Variants in XXYLT1 observed in about 807,000 individuals in gnomAD.
The protein encoded by XXYLT1 is UDP-xylose:alpha-xyloside alpha-1,3-xylosyltransferase.
A neutral mutation model predicts 28.9 loss-of-function variants in XXYLT1; 20 were observed. The ratio of observed to expected loss-of-function variants is 0.69; its 90% confidence interval spans 0.49 to 1.00. The LOEUF is 1.00. XXYLT1 is among the 50% of genes least tolerant of loss of function. XXYLT1 has a pLI of 0.00. For synonymous variants in XXYLT1, 257 were observed against 253.8 expected (o/e 1.01, Z -0.12); for missense variants, 542 against 560.1 (o/e 0.97, Z 0.33).
chr3:195,098,477 C>T (rs1716580524), intron 3 of XXYLT1, among the ~76,000 whole-genome samples: 1 of 152,194 alleles, frequency 6.6e-6, no homozygotes, highest in African/African-American at 2.4e-5. Flanking sequence ...GGCGTGAACC[C>T]GGGAGGCGGA....
chr3:195,160,086 A>G (rs1577093504), intron 2 of XXYLT1, among the ~76,000 whole-genome samples: 1 of 108,302 alleles, frequency 9.2e-6, no homozygotes, highest in Non-Finnish European at 2.0e-5. Flanking sequence ...CAAGAAAAGG[A>G]AAAAAAAATC....
intron 2 of XXYLT1, among the ~76,000 whole-genome samples, chr3:195,170,482 C>T (rs892354560): frequency 2.6e-5 from 4 of 152,240 alleles, no homozygotes; most frequent in African/African-American, 9.6e-5. Flanking sequence ...TGCAACCTTC[C>T]TGCTTCACCA....
chr3:195,074,813 G>A (rs887051319), intron 3 of XXYLT1, among the ~76,000 whole-genome samples: 4 of 152,196 alleles, frequency 2.6e-5, no homozygotes, highest in African/African-American at 7.2e-5. Flanking sequence ...ACATCCTGGA[G>A]TTGTAGGACC....
At chr3:195,244,173 G>C (rs937040224) in intron 1 of XXYLT1, among the ~76,000 whole-genome samples, 3 of 152,170 alleles carry the variant, frequency 2.0e-5, no homozygotes, top group African/African-American at 7.2e-5. Flanking sequence ...CCCTATTCCA[G>C]TCATCCAAAA....
In XXYLT1 at chr3:195,080,814, G is replaced by T. The variant is rs904304905; in HGVS notation, c.786-10703C>A. Among the ~76,000 whole-genome samples the T allele has an allele frequency of 1.5e-4, 23 of 152,320 alleles. 1 individual carries two copies. In the South Asian group the frequency reaches 2.1e-3, roughly 14 times the overall value. ...CAGCGCCCTTCACCCTCATGGGAGG[G>T]GGTGTTCCAACCCAGGAGCCAGAGG... On this transcript the variant is annotated intron_variant, in intron 3 of 3. Coordinates refer to ENST00000310380, the MANE Select transcript of XXYLT1 (RefSeq NM_152531.5).
chr3:195,250,951 C>G (rs1362816126), intron 1 of XXYLT1, among the ~76,000 whole-genome samples: 3 of 152,212 alleles, frequency 2.0e-5, no homozygotes, highest in Non-Finnish European at 4.4e-5. Flanking sequence ...CTTAAAAATG[C>G]TCATCTCAAA....
chr3:195,223,207 T>TGG (rs1723906814), intron 2 of XXYLT1, among the ~76,000 whole-genome samples: 1 of 152,098 alleles, frequency 6.6e-6, no homozygotes, highest in Admixed American at 6.6e-5. Flanking sequence ...CACTCCAGCC[T>TGG]GGGCGAGAGT....
At chr3:195,218,033 T>C (rs1025702677) in intron 2 of XXYLT1, among the ~76,000 whole-genome samples, 2 of 149,828 alleles carry the variant, frequency 1.3e-5, no homozygotes, top group Non-Finnish European at 2.9e-5. Context: ...ATCTGATCTT[T>C]GACAAACCTG....
intron 1 of XXYLT1, among the ~76,000 whole-genome samples, chr3:195,237,279 G>A (rs1392864980): frequency 6.6e-6 from 1 of 152,172 alleles, no homozygotes; most frequent in African/African-American, 2.4e-5. Flanking sequence ...ATTCTCCTCT[G>A]TCTAGGCTGG....
intron 3 of XXYLT1, among the ~76,000 whole-genome samples, chr3:195,143,884 A>AT (rs1560117363): frequency 8.4e-5 from 10 of 118,816 alleles, no homozygotes; most frequent in Admixed American, 2.6e-4. Context: ...ATATATATAT[A>AT]TATATTTATT....
Position 195,078,863 on chromosome 3 carries a change from C to T in XXYLT1, c.786-8752G>A, listed in dbSNP as rs1715271511. Among the ~76,000 whole-genome samples, 2 of 152,178 alleles carry T rather than the reference C, an allele frequency of 1.3e-5. No individual in the cohort carries two copies. The highest frequency in any genetic ancestry group is 4.8e-5 in the African/African-American group (2 of 41,432). ...TCCCTAGGGACACCCTCAAGAATTC[C>T]AAATGCTGATGGCCCTTCCCTTCAC... On this transcript the variant is annotated intron_variant, in intron 3 of 3. Coordinates refer to ENST00000310380, the MANE Select transcript of XXYLT1 (RefSeq NM_152531.5). The surrounding 1 kb of genome is among the most constrained non-coding windows in gnomAD (Gnocchi z 5.0).
intron 2 of XXYLT1, among the ~76,000 whole-genome samples, chr3:195,193,274 C>T (rs1450540362): frequency 2.1e-5 from 3 of 143,516 alleles, no homozygotes; most frequent in African/African-American, 5.4e-5. Flanking sequence ...TGCCACAGAG[C>T]GAGACTCCGT....
chr3:195,163,842 G>A (rs1720988102), intron 2 of XXYLT1, among the ~76,000 whole-genome samples: 1 of 152,252 alleles, frequency 6.6e-6, no homozygotes, highest in African/African-American at 2.4e-5. Flanking sequence ...GTGCAAGACA[G>A]GGGCTGCTGG....
chr3:195,250,311 C>T (rs1246950116), intron 1 of XXYLT1, among the ~76,000 whole-genome samples: 1 of 152,162 alleles, frequency 6.6e-6, no homozygotes, highest in Non-Finnish European at 1.5e-5. Flanking sequence ...ACCTGTAATC[C>T]CAGAACTTTC....
At chr3:195,118,098 C>T (rs527732222) in intron 3 of XXYLT1, among the ~76,000 whole-genome samples, 17 of 152,318 alleles carry the variant, frequency 1.1e-4, no homozygotes, top group African/African-American at 4.1e-4. Context: ...GATAATGCCC[C>T]CCTGGGCTTT....
intron 2 of XXYLT1, among the ~76,000 whole-genome samples, chr3:195,212,275 A>G (rs555408492): frequency 3.3e-5 from 5 of 152,328 alleles, no homozygotes; most frequent in African/African-American, 1.2e-4. Context: ...GGGCTGCTGG[A>G]TCCGATGGGA....
chr3:195,236,941 C>T (rs1724573205), intron 1 of XXYLT1, among the ~76,000 whole-genome samples: 1 of 152,132 alleles, frequency 6.6e-6, no homozygotes, highest in South Asian at 2.1e-4. Context: ...GGTGCCTTAT[C>T]CTACCGTGAC....
rs113404475 is a variant in XXYLT1, at chr3:195,188,027, C to G, written c.653-31446G>C. 1.6e-3 allele frequency among the ~76,000 whole-genome samples: 249 copies of G among 152,292 alleles called. 1 individual carries two copies. The highest frequency in any genetic ancestry group is 2.8e-3 in the Non-Finnish European group (193 of 68,034). ...GACATGAGTTCAACTAACGTCTCAA[C>G]GAGCTTGCTTGGCTCTATATTTAGA... On this transcript the variant is annotated intron_variant, in intron 2 of 3. Coordinates refer to ENST00000310380, the MANE Select transcript of XXYLT1 (RefSeq NM_152531.5).
At chr3:195,102,393 G>A (rs747122447) in intron 3 of XXYLT1, among the ~76,000 whole-genome samples, 5 of 152,184 alleles carry the variant, frequency 3.3e-5, no homozygotes, top group South Asian at 2.1e-4. Flanking sequence ...CATCCCACAC[G>A]TCTGCTACGC....
Sources: gnomAD v4.1 joint callset for allele counts (sites outside exome capture counted in the v4.1 genomes callset) on GRCh38, gnomAD v4.1.1 for gene constraint, Gnocchi (gnomAD v3.1) non-coding constraint, MANE v1.5 for transcripts, NCBI Gene and HGNC (gene_info 2026-07-23, HGNC 2026-07-21) for gene names.